RIF1: variants seen among roughly 807,000 people sequenced by gnomAD.
The protein encoded by RIF1 is telomere-associated protein RIF1.
A neutral mutation model predicts 247.1 loss-of-function variants in RIF1; 45 were observed. The observed-to-expected ratio is 0.18, with a 90% CI of 0.14 to 0.23. The LOEUF (loss-of-function observed/expected upper bound fraction) is 0.23. Among genes scored for constraint, RIF1 ranks in the 10% least tolerant of loss-of-function variants. RIF1 has a pLI of 1.00. For synonymous variants in RIF1, 1,087 were observed against 978.8 expected, an observed-to-expected ratio of 1.11 and a Z score of -2.06; for missense variants, 2,967 against 2,862.5, an observed-to-expected ratio of 1.04 and a Z score of -0.83.
In RIF1 at chr2:151,455,096, C is replaced by T; in HGVS notation, c.2546C>T (p.Ser849Phe). 1 of 1,612,866 alleles carries T rather than the reference C, an allele frequency of 6.2e-7. No individual in the cohort carries two copies. Residue 849 changes from serine (S) to phenylalanine (F), a missense_variant, in exon 22 of 36, where the codon TCT becomes TTT. Ser to Phe is a radical substitution (Grantham distance 155). Transcript: ENST00000444746. ...GTACTTGGGCATATTTCTTTGCCTT[C>T]TATGATCCGAAAAATATTTGCAACT... ...SSVLGHISLP[S>F]MIRKIFATLT... is the part of the protein sequence containing the mutation.
chr2:151,457,263 C>T (rs1695360620), intron 23 of RIF1, among the ~76,000 whole-genome samples: 1 of 152,172 alleles, frequency 6.6e-6, no homozygotes, highest in African/African-American at 2.4e-5. Flanking sequence ...GCTAGGACTA[C>T]AGGCATACAC....
intron 13 of RIF1, chr2:151,507,184 G>T: frequency 1.8e-6 from 1 of 549,050 alleles, no homozygotes; most frequent in Non-Finnish European, 3.2e-6. Context: ...ATTTTGTGGA[G>T]AAACTAATTT....
At chr2:151,439,662 T>TC (rs1414519630) in intron 14 of RIF1, among the ~76,000 whole-genome samples, 1 of 118,906 alleles carries the variant, frequency 8.4e-6, no homozygotes, top group Admixed American at 9.0e-5. Context: ...AGAGTGAAAC[T>TC]CCATCAAAAA....
At chr2:151,491,458 AATG>A (rs1229372707) in intron 9 of RIF1, 1 of 394,590 alleles carries the variant, frequency 2.5e-6, no homozygotes, top group African/African-American at 2.0e-5. Context: ...AAATGATAAT[AATG>A]GGAGACATGC....
At chr2:151,441,844 A>G in intron 15 of RIF1, 61 bp from the exon 16 acceptor site, 1 of 740,126 alleles carries the variant, frequency 1.4e-6, no homozygotes, top group South Asian at 1.7e-5. Flanking sequence ...GTTAACACTC[A>G]GATTTTTATT....
chr2:151,451,808 T>G, intron 21 of RIF1, 103 bp downstream of exon 21: 1 of 643,164 alleles, frequency 1.6e-6, no homozygotes, highest in Non-Finnish European at 2.8e-6. Flanking sequence ...TTTTACTAAC[T>G]TTTGATCTTG....
intron 9 of RIF1, chr2:151,494,374 G>A (rs2058695189): frequency 1.5e-6 from 1 of 687,384 alleles, no homozygotes; most frequent in East Asian, 2.7e-5. Context: ...GGGCAATTAG[G>A]TTAGATGGAA....
In RIF1 at chr2:151,462,917, C is replaced by G; in HGVS notation, c.3397C>G (p.Gln1133Glu). Residue 1133 changes from glutamine to glutamate, a missense_variant, in exon 30 of 36, where the codon CAA (glutamine) becomes GAA (glutamate). Around this residue, in one of 7 missense-constraint regions of RIF1, gnomAD observed 2,028 missense variants for 1,825.6 expected, o/e 1.11. Transcript: ENST00000444746. ...AATGGACAGTGACATTGTCATTCCT[C>G]AAGATGTCACGGAAGACTGTGGTAT... ...EQMDSDIVIP[Q>E]DVTEDCGMAE... 6.2e-7 allele frequency: 1 copy of G among 1,610,360 alleles called. No homozygotes were observed. Among genetic ancestry groups the G allele is most frequent in the Non-Finnish European group, 8.5e-7 (1 of 1,178,680 alleles).
chr2:151,501,908 C>T (rs1229129483), intron 11 of RIF1, among the ~76,000 whole-genome samples: 4 of 151,998 alleles, frequency 2.6e-5, no homozygotes, highest in Non-Finnish European at 5.9e-5. Context: ...TACTAGCTTT[C>T]AATGATACTG....
chr2:151,506,122 A>G, intron 12 of RIF1: 1 of 1,492,760 alleles, frequency 6.7e-7, no homozygotes. Flanking sequence ...TAAATTATCA[A>G]AGGGAGGCAG....
In RIF1 at chr2:151,442,767, ATTTTTTTTTT is replaced by A. The variant is rs59128582; in HGVS notation, c.1735-477_1735-468del. Among the ~76,000 whole-genome samples the A allele has an allele frequency of 1.9e-3, 200 of 104,060 alleles. 2 individuals are homozygous for A. The highest frequency in any genetic ancestry group is 6.5e-3 in the African/African-American group (190 of 29,320). The allele number at this position is 104,060 out of a possible 152,430, so 68.3% of individuals were successfully genotyped here. The stretch of plus-strand genomic sequence containing the variant: ...CTATGATTAGACTATAAAGAGCTTG[ATTTTTTTTTT>A]TTTTTTTTTTTTTTGAGACAGAGTC... On this transcript the variant is annotated intron_variant, in intron 16 of 35. Transcript: ENST00000444746.
chr2:151,488,645 CTAAAAA>C (rs1187741634), intron 9 of RIF1, among the ~76,000 whole-genome samples: 1 of 139,598 alleles, frequency 7.2e-6, no homozygotes, highest in Non-Finnish European at 1.6e-5. Context: ...GACCCTGTCT[CTAAAAA>C]TAAAAAAAAA....
chr2:151,474,108 A>G (rs1337681144), intron 35 of RIF1, 36 bp downstream of exon 35: 1 of 955,248 alleles, frequency 1.0e-6, no homozygotes, highest in Middle Eastern at 2.5e-4. Context: ...TTTTATTTAG[A>G]AGATCAGCTG....
chr2:151,514,693 C>T, the RIF1 span: 11 of 713,770 alleles, frequency 1.5e-5, no homozygotes, highest in Middle Eastern at 2.4e-4. Context: ...GTACCAAGCA[C>T]ATGAGAACCC....
chr2:151,488,432 A>C (rs1477525783), intron 9 of RIF1, among the ~76,000 whole-genome samples: 1 of 149,726 alleles, frequency 6.7e-6, no homozygotes, highest in East Asian at 2.0e-4. Context: ...AGAGGGCTTG[A>C]GCCTAGGGGT....
At chr2:151,527,585 G>C in the RIF1 span, 1 of 1,609,086 alleles carries the variant, frequency 6.2e-7, no homozygotes, top group Non-Finnish European at 8.5e-7. Context: ...TTATAGTCCA[G>C]CTGTTTTTAA....
chr2:151,506,792 G>C (rs2069370212), intron 13 of RIF1: 3 of 700,726 alleles, frequency 4.3e-6, no homozygotes, highest in Non-Finnish European at 7.4e-6. Flanking sequence ...ATCACTGCTA[G>C]TATTACTGAG....
chr2:151,504,942 G>A (rs2067598669), intron 12 of RIF1, among the ~76,000 whole-genome samples: 1 of 152,040 alleles, frequency 6.6e-6, no homozygotes, highest in Non-Finnish European at 1.5e-5. Flanking sequence ...GATGGAGAGA[G>A]CAAAGAATAC....
intron 30 of RIF1, 108 bp from the exon 31 acceptor site, chr2:151,467,892 T>C (rs1697200008): frequency 9.3e-7 from 1 of 1,079,904 alleles, no homozygotes; most frequent in Non-Finnish European, 1.3e-6. Flanking sequence ...GTGAAATAAA[T>C]TTTCTAAACC....
Sources: gnomAD v4.1 joint callset for allele counts (sites outside exome capture counted in the v4.1 genomes callset) on GRCh38, gnomAD v4.1.1 for gene constraint, gnomAD v4.1.1 regional missense constraint, MANE v1.5 for transcripts, NCBI Gene and HGNC (gene_info 2026-07-23, HGNC 2026-07-21) for gene names.